LRBA: variants seen among roughly 807,000 people sequenced by gnomAD.
LRBA encodes lipopolysaccharide-responsive and beige-like anchor protein.
LRBA carries 176 observed loss-of-function variants against 330.0 expected under a neutral mutation model. That is an observed-to-expected ratio of 0.53 (90% CI 0.47 to 0.60). The LOEUF (loss-of-function observed/expected upper bound fraction) is 0.60, where lower values mean the gene tolerates loss of function less well. Ranked by LOEUF, LRBA falls within the 20% of genes least tolerant of loss-of-function variation. The probability of loss-of-function intolerance (pLI) is 0.00; values close to 1 mark genes in which losing one functional copy is unlikely to be tolerated. For missense variants in LRBA, 3,259 were observed against 3,444.8 expected, an observed-to-expected ratio of 0.95 and a Z score of 1.35; for synonymous variants, 1,230 against 1,193.0, an observed-to-expected ratio of 1.03 and a Z score of -0.64.
intron 44 of LRBA, among the ~76,000 whole-genome samples, chr4:150,465,473 C>T (rs1056026522): frequency 3.3e-5 from 5 of 152,120 alleles, no homozygotes. Flanking sequence ...TACTTTCGCA[C>T]CAGCATGCAC....
intron 28 of LRBA, among the ~76,000 whole-genome samples, chr4:150,840,349 T>C (rs1748875686): frequency 6.6e-6 from 1 of 152,248 alleles, no homozygotes; most frequent in Admixed American, 6.5e-5. Context: ...TGATATATCA[T>C]CTTCACTAAG....
chr4:150,666,777 G>C (rs1242707886), intron 37 of LRBA, among the ~76,000 whole-genome samples: 1 of 152,070 alleles, frequency 6.6e-6, no homozygotes, highest in Non-Finnish European at 1.5e-5. Flanking sequence ...ACAGTTTATT[G>C]TATGTCAATT....
intron 48 of LRBA, among the ~76,000 whole-genome samples, chr4:150,327,247 T>C (rs553673533): frequency 3.3e-5 from 5 of 151,928 alleles, no homozygotes; most frequent in Non-Finnish European, 5.9e-5. Context: ...AGTAAGACCC[T>C]GTCTCTACAA....
In LRBA at chr4:150,773,706, C is replaced by G. The variant is rs951845565; in HGVS notation, c.5581-11859G>C. Among the ~76,000 whole-genome samples, 9 of 152,306 alleles carry G rather than the reference C, an allele frequency of 5.9e-5. No individual in the cohort carries two copies. In the East Asian group the frequency reaches 1.5e-3, roughly 26 times the overall value. On this transcript the variant is annotated intron_variant, in intron 34 of 56. Coordinates refer to ENST00000651943, the MANE Select transcript of LRBA (RefSeq NM_001364905.1). ...CTTTCCCATCATAATAACCCTCACTCAATAGGTCAGGAAACCAATGTGGAG... is the reference window on the plus strand; with the variant it reads ...CTTTCCCATCATAATAACCCTCACTGAATAGGTCAGGAAACCAATGTGGAG...
chr4:150,560,559 T>C (rs1768184241), intron 40 of LRBA, among the ~76,000 whole-genome samples: 1 of 152,192 alleles, frequency 6.6e-6, no homozygotes, highest in South Asian at 2.1e-4. Context: ...GAATCATTCA[T>C]AGGGTATATA....
rs555460119 is a variant in LRBA at position 150,748,564 on chromosome 4, G to A, written c.5646-13198C>T. 2.0e-5 allele frequency among the ~76,000 whole-genome samples: 3 copies of A among 152,084 alleles called. No individual in the cohort carries two copies. In the East Asian group the frequency reaches 5.8e-4, roughly 30 times the overall value. On this transcript the variant is annotated intron_variant, in intron 35 of 56. Coordinates refer to ENST00000651943, the MANE Select transcript of LRBA (RefSeq NM_001364905.1). ...CACCTGTAATCCCAGCTACTCAGGA[G>A]GCTGAGGCAGGAGAATCGCTTGAAC...
At chr4:150,645,116 T>C (rs1035904266) in intron 37 of LRBA, among the ~76,000 whole-genome samples, 2 of 150,976 alleles carry the variant, frequency 1.3e-5, no homozygotes, top group Non-Finnish European at 3.0e-5. Flanking sequence ...AAAAAGTTTT[T>C]TTTTCTTGAG....
At position 150,590,802 on chromosome 4, in the gene LRBA, C is replaced by T; in HGVS notation, c.6104G>A (p.Gly2035Glu). The T allele has an allele frequency of 6.2e-7, 1 of 1,613,658 alleles. No individual in the cohort carries two copies. Among genetic ancestry groups the T allele is most frequent in the South Asian group, 1.1e-5 (1 of 91,054 alleles). ...GATCTCGTTTTCTGAGTTCTGATTT[C>T]CTAAAGCCTGACTCCTGATGGACTG... ...GKQSIRSQAL[G>E]NQNSENEILL... Residue 2035 changes from glycine to glutamate, a missense_variant, in exon 39 of 57, where the codon GGA becomes GAA. Coordinates refer to ENST00000651943, the MANE Select transcript of LRBA (RefSeq NM_001364905.1).
At chr4:150,399,400 C>A (rs1260491214) in intron 47 of LRBA, among the ~76,000 whole-genome samples, 1 of 152,186 alleles carries the variant, frequency 6.6e-6, no homozygotes, top group African/African-American at 2.4e-5. Context: ...CATTTTGGTT[C>A]TCTTCTGATA....
chr4:150,502,949 T>C (rs1339387548), intron 40 of LRBA, among the ~76,000 whole-genome samples: 1 of 152,126 alleles, frequency 6.6e-6, no homozygotes. Flanking sequence ...GGAGTCTCGC[T>C]CATTGCTAGC....
chr4:150,276,203 A>G (rs1746738962), intron 56 of LRBA, among the ~76,000 whole-genome samples: 1 of 152,234 alleles, frequency 6.6e-6, no homozygotes, highest in Non-Finnish European at 1.5e-5. Flanking sequence ...TAATTAGTAA[A>G]TGGTGTTGGG....
chr4:150,528,969 A>C (rs1763776581), intron 40 of LRBA, among the ~76,000 whole-genome samples: 1 of 152,238 alleles, frequency 6.6e-6, no homozygotes, highest in Non-Finnish European at 1.5e-5. Flanking sequence ...GCATAGAACC[A>C]AATGAAGGAA....
At chr4:150,564,621 G>A (rs1768881074) in intron 40 of LRBA, among the ~76,000 whole-genome samples, 1 of 151,954 alleles carries the variant, frequency 6.6e-6, no homozygotes, top group Non-Finnish European at 1.5e-5. Context: ...GGGGGAAAAT[G>A]TTTGCAATCT....
chr4:150,743,811 T>C (rs953131792), intron 35 of LRBA, among the ~76,000 whole-genome samples: 3 of 152,236 alleles, frequency 2.0e-5, no homozygotes, highest in Admixed American at 6.5e-5. Flanking sequence ...TCCTCCTCCT[T>C]ACATGTCTCT....
chr4:150,479,050 G>A (rs1211725075), intron 42 of LRBA, among the ~76,000 whole-genome samples: 1 of 152,050 alleles, frequency 6.6e-6, no homozygotes, highest in Non-Finnish European at 1.5e-5. Flanking sequence ...TTAGGAGGCT[G>A]AGGTGGCAGG....
At chr4:150,301,643 C>T (rs753310654) in intron 53 of LRBA, among the ~76,000 whole-genome samples, 6 of 151,962 alleles carry the variant, frequency 3.9e-5, no homozygotes, top group African/African-American at 7.2e-5. Context: ...TTAAGAACAG[C>T]TTTGAGAAGT....
intron 2 of LRBA, among the ~76,000 whole-genome samples, chr4:151,004,862 T>G (rs1743824491): frequency 6.6e-6 from 1 of 151,966 alleles, no homozygotes; most frequent in South Asian, 2.1e-4. Flanking sequence ...GGCATGAGCC[T>G]TGTAATCCCA....
rs57210930 is a variant in LRBA at position 150,639,781 on chromosome 4, ATG to A, written c.5922-40652_5922-40651del. 9.4e-3 allele frequency among the ~76,000 whole-genome samples: 134 copies of A among 14,282 alleles called. 8 individuals carry two copies. Among genetic ancestry groups the A allele is most frequent in the African/African-American group, 0.036 (76 of 2,112 alleles). 9.4% of individuals were successfully genotyped at this position (14,282 alleles called of 152,430 possible). On this transcript the variant is annotated intron_variant, in intron 37 of 56. Coordinates refer to ENST00000651943, the MANE Select transcript of LRBA (RefSeq NM_001364905.1). Reference sequence around the variant, plus strand: ...TATATATATATATATATATATATATATGTGTGTGTGTATATATATATATATGT... The same window carrying A: ...TATATATATATATATATATATATATATGTGTGTGTATATATATATATATGT...
At chr4:150,304,335 T>C (rs143717463) in intron 52 of LRBA, among the ~76,000 whole-genome samples, 97 of 152,250 alleles carry the variant, frequency 6.4e-4, no homozygotes, top group African/African-American at 2.1e-3. Flanking sequence ...AGGCTTATTA[T>C]GAAGGCTGAA....
Sources: allele counts gnomAD v4.1 joint callset (sites outside exome capture counted in the v4.1 genomes callset), GRCh38; gene constraint gnomAD v4.1.1; transcripts MANE v1.5; gene names NCBI Gene and HGNC (gene_info 2026-07-23, HGNC 2026-07-21).